Variants in ITPRID1 observed in about 807,000 individuals in gnomAD.
ITPRID1 encodes protein ITPRID1.
In ITPRID1, 96 loss-of-function variants were observed where a neutral mutation model predicts 95.4. The observed-to-expected ratio is 1.01, with a 90% confidence interval of 0.85 to 1.19. ITPRID1 has a LOEUF of 1.19. ITPRID1 is among the 50% of genes most tolerant of loss of function. ITPRID1 has a pLI of 0.00. For synonymous variants in ITPRID1, 510 were observed against 453.6 expected (o/e 1.12, Z -1.58); for missense variants, 1,339 against 1,252.9 (o/e 1.07, Z -1.04).
chr7:31,528,531 A>G (rs943010310), intron 1 of ITPRID1, among the ~76,000 whole-genome samples: 29 of 152,182 alleles, frequency 1.9e-4, no homozygotes, highest in African/African-American at 6.8e-4. Flanking sequence ...GTCAGCCTTG[A>G]CACACTCCTG....
At chr7:31,589,091 A>G (rs1279237091) in intron 10 of ITPRID1, among the ~76,000 whole-genome samples, 1 of 152,126 alleles carries the variant, frequency 6.6e-6, no homozygotes, top group Non-Finnish European at 1.5e-5. Context: ...AGAGGAAAAT[A>G]TGCTCACAAT....
Position 31,643,587 on chromosome 7 carries a change from G to T in ITPRID1, c.2217G>T (p.Val739=). ...GAGGAACATCTTTAGAATGCACTGT[G>T]TGTGATCCTGTTACCGCAACAGAAA... ...GPRGTSLECT[V]CDPVTATETR... The change falls in exon 12 of 15, where the codon GTG becomes GTT. Residue 739 remains valine, a synonymous_variant. Transcript: ENST00000615280. 1 of 1,614,036 alleles carries T rather than the reference G, an allele frequency of 6.2e-7. No individual in the cohort carries two copies. Among genetic ancestry groups the T allele is most frequent in the Non-Finnish European group, 8.5e-7 (1 of 1,179,882 alleles).
At chr7:31,566,338 C>T (rs1038798029) in intron 5 of ITPRID1, among the ~76,000 whole-genome samples, 4 of 152,182 alleles carry the variant, frequency 2.6e-5, no homozygotes, top group Non-Finnish European at 4.4e-5. Flanking sequence ...CTGATGTACA[C>T]GTTTATTCAC....
At chr7:31,624,394 A>C (rs1583627468) in intron 10 of ITPRID1, among the ~76,000 whole-genome samples, 1 of 144,336 alleles carries the variant, frequency 6.9e-6, no homozygotes, top group Admixed American at 7.1e-5. Context: ...ACAGTAACCA[A>C]AACAGCATGG....
rs764891010 is a variant in ITPRID1, at chr7:31,574,621, C to T, written c.477C>T (p.Asp159=). Residue 159 remains aspartate (D), a synonymous_variant, in exon 8 of 15, where the codon GAC becomes GAT. Transcript: ENST00000615280. Reference sequence around the variant, plus strand: ...TGGGGTTTGGTGCTGATGAGCCAGACATCTGCATGCAAATCCCAGCCAGAT... The same window carrying T: ...TGGGGTTTGGTGCTGATGAGCCAGATATCTGCATGCAAATCCCAGCCAGAT... The part of the protein sequence containing the change: ...LDLGFGADEP[D]ICMQIPARFL... 1.2e-5 allele frequency: 19 copies of T among 1,613,780 alleles called. No homozygotes were observed. The highest frequency in any genetic ancestry group is 1.4e-5 in the Non-Finnish European group (17 of 1,179,838).
chr7:31,624,239 A>G (rs1246898310), intron 10 of ITPRID1, among the ~76,000 whole-genome samples: 11 of 145,904 alleles, frequency 7.5e-5, no homozygotes, highest in South Asian at 2.3e-4. Context: ...TCAAGCTACC[A>G]ATGACTTTCT....
chr7:31,579,012 A>G (rs1785301148), intron 9 of ITPRID1, among the ~76,000 whole-genome samples: 1 of 152,118 alleles, frequency 6.6e-6, no homozygotes, highest in Non-Finnish European at 1.5e-5. Flanking sequence ...TTTTGATTTT[A>G]GGATGTTAGT....
chr7:31,643,994 C>A (rs768829337), intron 12 of ITPRID1, 41 bp downstream of exon 12: 21 of 1,530,714 alleles, frequency 1.4e-5, no homozygotes, highest in Non-Finnish European at 1.9e-5. Flanking sequence ...GCAGATGCAC[C>A]CGTGATAAAC....
At chr7:31,647,047 C>T (rs1411611073) in intron 12 of ITPRID1, among the ~76,000 whole-genome samples, 2 of 152,208 alleles carry the variant, frequency 1.3e-5, no homozygotes, top group Non-Finnish European at 2.9e-5. Flanking sequence ...TATACGTGTG[C>T]ATATTTATAC....
At chr7:31,528,803 G>T (rs1169524446) in intron 1 of ITPRID1, among the ~76,000 whole-genome samples, 1 of 151,954 alleles carries the variant, frequency 6.6e-6, no homozygotes, top group Non-Finnish European at 1.5e-5. Flanking sequence ...TCTCATATTG[G>T]GGTTCCTCTG....
Position 31,591,169 on chromosome 7 carries a change from A to T in ITPRID1, c.1228+7978A>T, listed in dbSNP as rs186116702. ...CCAGTATTTCATCAATTATAAGATG[A>T]ATGATTTTTCCCAATTTGTCATCCT... On this transcript the variant is annotated intron_variant, in intron 10 of 14. Transcript: ENST00000615280. Among the ~76,000 whole-genome samples, 45 of 152,320 alleles carry T rather than the reference A, an allele frequency of 3.0e-4. 1 individual carries two copies. In the East Asian group the frequency reaches 8.3e-3, roughly 28 times the overall value.
At chr7:31,649,124 C>T (rs758684809) in intron 12 of ITPRID1, among the ~76,000 whole-genome samples, 3 of 152,148 alleles carry the variant, frequency 2.0e-5, no homozygotes, top group African/African-American at 2.4e-5. Flanking sequence ...ATGCAAAATA[C>T]GTTATTCAGT....
intron 10 of ITPRID1, among the ~76,000 whole-genome samples, chr7:31,635,783 C>T (rs185981040): frequency 4.6e-5 from 7 of 151,628 alleles, no homozygotes; most frequent in South Asian, 2.1e-4. Context: ...AAGGGGAGGG[C>T]GGGGGTCAGA....
At chr7:31,646,477 G>C (rs983074183) in intron 12 of ITPRID1, among the ~76,000 whole-genome samples, 3 of 152,144 alleles carry the variant, frequency 2.0e-5, no homozygotes, top group Admixed American at 1.3e-4. Flanking sequence ...AAAAGGCACA[G>C]GAACCCAGAG....
rs1789352569 is a variant in ITPRID1 at position 31,635,037 on chromosome 7, T to C, written c.1229-7139T>C. Reference sequence around the variant, plus strand: ...TTGCCAGATGCCATATTGCCTTCCCTAAAGGCAATGTATTACATATTAGGT... The same window carrying C: ...TTGCCAGATGCCATATTGCCTTCCCCAAAGGCAATGTATTACATATTAGGT... On this transcript the variant is annotated intron_variant, in intron 10 of 14. Coordinates refer to ENST00000615280, the MANE Select transcript of ITPRID1 (RefSeq NM_001257967.3). Among the ~76,000 whole-genome samples the C allele has an allele frequency of 2.0e-5, 3 of 152,192 alleles. No individual in the cohort carries two copies. In the South Asian group the frequency reaches 6.2e-4, roughly 31 times the overall value.
chr7:31,523,740 CTT>C (rs1783340037), intron 1 of ITPRID1, among the ~76,000 whole-genome samples: 1 of 152,180 alleles, frequency 6.6e-6, no homozygotes, highest in Admixed American at 6.5e-5. Context: ...AGTTGAACCT[CTT>C]TGCTTTATAA....
chr7:31,542,813 A>T (rs1369545055), intron 1 of ITPRID1, among the ~76,000 whole-genome samples: 1 of 152,158 alleles, frequency 6.6e-6, no homozygotes, highest in Admixed American at 6.6e-5. Flanking sequence ...TGCAAACAAA[A>T]ATGTATGCTG....
chr7:31,514,701 T>C, intron 1 of ITPRID1, among the ~76,000 whole-genome samples: 1 of 152,210 alleles, frequency 6.6e-6, no homozygotes, highest in Non-Finnish European at 1.5e-5. Context: ...CAGAATAGTA[T>C]GTTGGTACTT....
At chr7:31,528,361 C>T (rs991404002) in intron 1 of ITPRID1, among the ~76,000 whole-genome samples, 3 of 152,152 alleles carry the variant, frequency 2.0e-5, no homozygotes, top group Non-Finnish European at 2.9e-5. Context: ...CATCATTTTG[C>T]AAGTACAGTT....
Sources: gnomAD v4.1 joint callset for allele counts (sites outside exome capture counted in the v4.1 genomes callset) on GRCh38, gnomAD v4.1.1 for gene constraint, MANE v1.5 for transcripts, NCBI Gene and HGNC (gene_info 2026-07-23, HGNC 2026-07-21) for gene names.